Variants in SELENOF observed in about 807,000 individuals in gnomAD.
The protein encoded by SELENOF is 15 kDa selenoprotein.
Under a neutral mutation model 20.5 loss-of-function variants are expected in SELENOF, and 16 were observed. The observed-to-expected ratio is 0.78, with a 90% CI of 0.53 to 1.19. The LOEUF (loss-of-function observed/expected upper bound fraction) is 1.19. Ranked by LOEUF, SELENOF falls within the 50% of genes most tolerant of loss-of-function variation. The probability of loss-of-function intolerance (pLI) is 0.00; values close to 1 mark genes in which losing one functional copy is unlikely to be tolerated. For missense variants in SELENOF, 215 were observed against 194.2 expected (o/e 1.11, Z -0.64); for synonymous variants, 78 against 74.5 (o/e 1.05, Z -0.24).
At chr1:86,873,019 C>T (rs1658820318) in intron 3 of SELENOF, among the ~76,000 whole-genome samples, 1 of 151,020 alleles carries the variant, frequency 6.6e-6, no homozygotes, top group Non-Finnish European at 1.5e-5. Flanking sequence ...TGCACTCCAG[C>T]CTGGGCGACA....
intron 2 of SELENOF, among the ~76,000 whole-genome samples, chr1:86,897,193 A>C (rs1246759646): frequency 1.3e-5 from 2 of 152,126 alleles, no homozygotes; most frequent in East Asian, 3.8e-4. Context: ...AGGCTGAGGC[A>C]GGAGAATCTC....
At chr1:86,883,737 C>T (rs1659139197) in intron 2 of SELENOF, among the ~76,000 whole-genome samples, 1 of 152,014 alleles carries the variant, frequency 6.6e-6, no homozygotes, top group Non-Finnish European at 1.5e-5. Context: ...GTACGGAGCA[C>T]TGCAGTAAAA....
intron 1 of SELENOF, 174 bp downstream of exon 1, chr1:86,913,854 G>C (rs1390872755): frequency 1.6e-6 from 1 of 617,584 alleles, no homozygotes; most frequent in African/African-American, 1.8e-5. Context: ...AACCCAAGGC[G>C]GGGAAGGAGA....
intron 1 of SELENOF, chr1:86,913,721 T>G (rs1197927054): frequency 3.1e-5 from 10 of 320,218 alleles, no homozygotes; most frequent in Non-Finnish European, 6.0e-6. Flanking sequence ...CCTCCACTTC[T>G]TGCCAAGCTT....
In SELENOF at chr1:86,862,987, T is replaced by C. The variant is rs1658495583; in HGVS notation, c.*487A>G. ...CATTGTAAACTATAAATAACATTTG[T>C]ATTAAAAAGAAAGCTGGGTAATACA... On this transcript the variant is annotated 3_prime_UTR_variant, in exon 5 of 5. Transcript: ENST00000331835. 1 of 152,802 alleles carries C rather than the reference T, an allele frequency of 6.5e-6. No individual in the cohort carries two copies. The highest frequency in any genetic ancestry group is 1.5e-5 in the Non-Finnish European group (1 of 68,138). The allele number at this position is 152,802 out of a possible 1,614,324, so 9.5% of individuals were successfully genotyped here.
At chr1:86,895,366 T>C (rs962414006) in intron 2 of SELENOF, among the ~76,000 whole-genome samples, 4 of 152,248 alleles carry the variant, frequency 2.6e-5, no homozygotes, top group African/African-American at 9.6e-5. Flanking sequence ...ACCAGATTAC[T>C]ACTACTACTA....
chr1:86,890,740 A>C (rs2102104072), intron 2 of SELENOF, among the ~76,000 whole-genome samples: 1 of 151,762 alleles, frequency 6.6e-6, no homozygotes, highest in Non-Finnish European at 1.5e-5. Flanking sequence ...TCCTGGCCTC[A>C]AGTGATCCTC....
intron 3 of SELENOF, among the ~76,000 whole-genome samples, chr1:86,878,543 G>T (rs1247100817): frequency 1.3e-5 from 2 of 152,208 alleles, no homozygotes; most frequent in Non-Finnish European, 2.9e-5. Flanking sequence ...TTAGCTGGGT[G>T]TGGTGGCGTG....
At chr1:86,864,044 T>C (rs1658532257) in intron 4 of SELENOF, among the ~76,000 whole-genome samples, 1 of 152,218 alleles carries the variant, frequency 6.6e-6, no homozygotes, top group Non-Finnish European at 1.5e-5. Context: ...AATTAACAAG[T>C]ATGTAATGCC....
intron 2 of SELENOF, among the ~76,000 whole-genome samples, chr1:86,891,910 T>C (rs910069196): frequency 6.6e-6 from 1 of 150,524 alleles, no homozygotes; most frequent in Non-Finnish European, 1.5e-5. Flanking sequence ...TATTATTAAA[T>C]AAACATTTAT....
At chr1:86,887,099 G>C in intron 2 of SELENOF, 1 of 1,455,404 alleles carries the variant, frequency 6.9e-7, no homozygotes. Flanking sequence ...TTTTAAATTT[G>C]CTGTTCATCT....
chr1:86,899,355 GGGGCGGCC>G lies in SELENOF; in HGVS notation c.252+3918_252+3925del, dbSNP rs1359624802. 7.6e-3 allele frequency among the ~76,000 whole-genome samples: 1,027 copies of G among 134,672 alleles called. 257 individuals carry two copies. The highest frequency in any genetic ancestry group is 0.022 in the African/African-American group (714 of 32,128). 88.4% of individuals were successfully genotyped at this position (134,672 alleles called of 152,430 possible). ...CAGAGGGGCTCCTCACTTCCCAGTA[GGGGCGGCC>G]GGGCAGAGGCGCCCCTCACCTCCCG... On this transcript the variant is annotated intron_variant, in intron 2 of 4. Transcript: ENST00000331835.
At chr1:86,908,284 G>A (rs1659882768) in intron 1 of SELENOF, among the ~76,000 whole-genome samples, 1 of 152,156 alleles carries the variant, frequency 6.6e-6, no homozygotes, top group East Asian at 1.9e-4. Context: ...AAATAGATGG[G>A]ATTACAGAAT....
intron 1 of SELENOF, among the ~76,000 whole-genome samples, chr1:86,909,281 G>C (rs1158316415): frequency 6.6e-6 from 1 of 152,104 alleles, no homozygotes; most frequent in African/African-American, 2.4e-5. Flanking sequence ...TCATTTTCAA[G>C]GTTTTTCTTG....
chr1:86,884,072 G>A (rs905688346), intron 2 of SELENOF, among the ~76,000 whole-genome samples: 2 of 152,162 alleles, frequency 1.3e-5, no homozygotes, highest in African/African-American at 4.8e-5. Context: ...TAACTTGACA[G>A]CAGACAGGAA....
chr1:86,882,497 A>C (rs1659103086), intron 2 of SELENOF, among the ~76,000 whole-genome samples: 1 of 148,796 alleles, frequency 6.7e-6, no homozygotes, highest in African/African-American at 2.4e-5. Context: ...CTATTATTAA[A>C]AAAAAAAAAA....
intron 2 of SELENOF, among the ~76,000 whole-genome samples, chr1:86,881,648 A>ACAG (rs1457700540): frequency 6.6e-6 from 1 of 152,228 alleles, no homozygotes; most frequent in East Asian, 1.9e-4. Flanking sequence ...AACAACAACA[A>ACAG]CAACACATGC....
intron 4 of SELENOF, among the ~76,000 whole-genome samples, chr1:86,864,603 T>A (rs1479562127): frequency 2.6e-5 from 4 of 151,954 alleles, no homozygotes; most frequent in African/African-American, 9.7e-5. Flanking sequence ...AATGAATCAA[T>A]AATAACATTA....
intron 3 of SELENOF, among the ~76,000 whole-genome samples, chr1:86,878,070 A>T (rs1658970761): frequency 6.6e-6 from 1 of 152,212 alleles, no homozygotes; most frequent in South Asian, 2.1e-4. Context: ...ATCTACTATG[A>T]GAAATTATTA....
Sources: gnomAD v4.1 joint callset for allele counts (sites outside exome capture counted in the v4.1 genomes callset) on GRCh38, gnomAD v4.1.1 for gene constraint, MANE v1.5 for transcripts, NCBI Gene and HGNC (gene_info 2026-07-23, HGNC 2026-07-21) for gene names.